Variants in B3GALT1 observed in about 807,000 individuals in gnomAD.
The protein encoded by B3GALT1 is UDP-Gal:betaGlcNAc beta 1,3-galactosyltransferase, polypeptide 1.
In B3GALT1, 10 loss-of-function variants were observed where a neutral mutation model predicts 23.2. The ratio of observed to expected loss-of-function variants is 0.43; its 90% confidence interval spans 0.27 to 0.73. The LOEUF is 0.73. Ranked by LOEUF, B3GALT1 falls within the 30% of genes least tolerant of loss-of-function variation. The pLI is 0.21. For missense variants in B3GALT1, 299 were observed against 405.4 expected, an observed-to-expected ratio of 0.74 and a Z score of 2.25; for synonymous variants, 156 against 141.5, an observed-to-expected ratio of 1.10 and a Z score of -0.73.
intron 3 of B3GALT1, among the ~76,000 whole-genome samples, chr2:167,774,852 C>T (rs1489100975): frequency 6.6e-6 from 1 of 152,120 alleles, no homozygotes; most frequent in African/African-American, 2.4e-5. Context: ...TTCTTAATTA[C>T]ATTAATAAAC....
intron 3 of B3GALT1, among the ~76,000 whole-genome samples, chr2:167,769,562 TCTAGTCAAATC>T (rs1574253183): frequency 6.6e-6 from 1 of 152,132 alleles, no homozygotes; most frequent in African/African-American, 2.4e-5. Context: ...GCAACCCCTT[TCTAGTCAAATC>T]CTTCACCCAT....
chr2:167,864,800 T>C (rs1690177841), intron 4 of B3GALT1, among the ~76,000 whole-genome samples: 1 of 152,212 alleles, frequency 6.6e-6, no homozygotes, highest in East Asian at 1.9e-4. Flanking sequence ...ACCTCTCTTA[T>C]AACACTGTCA....
At chr2:167,605,904 C>A (rs1684954784) in intron 2 of B3GALT1, among the ~76,000 whole-genome samples, 1 of 152,084 alleles carries the variant, frequency 6.6e-6, no homozygotes, top group South Asian at 2.1e-4. Flanking sequence ...TTGAGTATAA[C>A]TCTATCTCCA....
intron 2 of B3GALT1, among the ~76,000 whole-genome samples, chr2:167,616,154 A>C (rs1685157710): frequency 6.6e-6 from 1 of 152,110 alleles, no homozygotes; most frequent in Non-Finnish European, 1.5e-5. Context: ...TCAAATACTG[A>C]AAAAGAAAAG....
intron 4 of B3GALT1, among the ~76,000 whole-genome samples, chr2:167,836,217 C>T (rs540492233): frequency 3.3e-5 from 5 of 152,080 alleles, no homozygotes; most frequent in Non-Finnish European, 5.9e-5. Context: ...AGGCTTCAGA[C>T]GATCAAACTA....
intron 2 of B3GALT1, among the ~76,000 whole-genome samples, chr2:167,556,191 AT>A (rs1683846730): frequency 6.6e-6 from 1 of 152,116 alleles, no homozygotes; most frequent in Admixed American, 6.6e-5. Context: ...CAACAACATG[AT>A]TAAGAATATA....
chr2:167,843,380 C>T (rs112784315), intron 4 of B3GALT1, among the ~76,000 whole-genome samples: 2 of 152,312 alleles, frequency 1.3e-5, no homozygotes, highest in African/African-American at 4.8e-5. Context: ...CATCATGCCA[C>T]ACTTGACCAG....
intron 2 of B3GALT1, among the ~76,000 whole-genome samples, chr2:167,552,005 A>G (rs1683756243): frequency 6.6e-6 from 1 of 152,188 alleles, no homozygotes; most frequent in Non-Finnish European, 1.5e-5. Flanking sequence ...CTAGGGTTTT[A>G]ACGACTTATT....
intron 2 of B3GALT1, among the ~76,000 whole-genome samples, chr2:167,577,306 T>G (rs2105404556): frequency 6.6e-6 from 1 of 151,954 alleles, no homozygotes; most frequent in African/African-American, 2.4e-5. Flanking sequence ...GGCAATTAAA[T>G]TGAAACCAAA....
chr2:167,429,289 A>AT (rs1559093747), intron 1 of B3GALT1, among the ~76,000 whole-genome samples: 4 of 151,796 alleles, frequency 2.6e-5, no homozygotes, highest in African/African-American at 9.7e-5. Flanking sequence ...TCAAAAAAAA[A>AT]AAAAAAAAAA....
rs1242416461 is a variant in B3GALT1 at position 167,455,151 on chromosome 2, G to A, written c.-510-35026G>A. Reference sequence around the variant, plus strand: ...AATGGGACAGTCCATACTTTTCTATGTATGTCCCATGATTTTCCTAGATTG... The same window carrying A: ...AATGGGACAGTCCATACTTTTCTATATATGTCCCATGATTTTCCTAGATTG... On this transcript the variant is annotated intron_variant, in intron 1 of 4. Transcript: ENST00000392690. Among the ~76,000 whole-genome samples the A allele has an allele frequency of 3.3e-5, 5 of 152,108 alleles. No homozygotes were observed. In the East Asian group the frequency reaches 9.6e-4, roughly 29 times the overall value.
At chr2:167,465,028 A>G (rs942679793) in intron 1 of B3GALT1, among the ~76,000 whole-genome samples, 1 of 152,140 alleles carries the variant, frequency 6.6e-6, no homozygotes, top group East Asian at 1.9e-4. Flanking sequence ...GCATCCTCAC[A>G]AGTTACTTTG....
At chr2:167,410,154 T>A (rs774917201) in intron 1 of B3GALT1, among the ~76,000 whole-genome samples, 2 of 152,056 alleles carry the variant, frequency 1.3e-5, no homozygotes, top group Non-Finnish European at 2.9e-5. Context: ...GAAACCATCA[T>A]TCTCAGCAAA....
intron 3 of B3GALT1, among the ~76,000 whole-genome samples, chr2:167,807,348 T>A (rs1161149972): frequency 6.6e-6 from 1 of 152,248 alleles, no homozygotes; most frequent in Non-Finnish European, 1.5e-5. Flanking sequence ...ATTTCTTGCC[T>A]TCTGCTAGCT....
intron 3 of B3GALT1, among the ~76,000 whole-genome samples, chr2:167,752,725 CAA>C (rs1317385594): frequency 6.6e-6 from 1 of 151,862 alleles, no homozygotes; most frequent in Non-Finnish European, 1.5e-5. Context: ...AAGGAAAAAA[CAA>C]AAAGTCTCAA....
intron 1 of B3GALT1, among the ~76,000 whole-genome samples, chr2:167,343,364 T>G (rs1449981054): frequency 6.6e-6 from 1 of 152,206 alleles, no homozygotes; most frequent in Non-Finnish European, 1.5e-5. Context: ...AATTTATCAC[T>G]ATGAATATAT....
chr2:167,654,102 G>T (rs1378833352), intron 3 of B3GALT1, among the ~76,000 whole-genome samples: 2 of 152,074 alleles, frequency 1.3e-5, no homozygotes, highest in Non-Finnish European at 2.9e-5. Flanking sequence ...TTGACATCCA[G>T]GCTTCAGCGC....
chr2:167,522,724 A>G (rs779499299), intron 2 of B3GALT1, among the ~76,000 whole-genome samples: 21 of 152,230 alleles, frequency 1.4e-4, no homozygotes, highest in Non-Finnish European at 2.1e-4. Context: ...GAAAAAGAGT[A>G]GGTGAAGTCC....
chr2:167,668,583 T>C (rs1347637264), intron 3 of B3GALT1, among the ~76,000 whole-genome samples: 2 of 152,130 alleles, frequency 1.3e-5, no homozygotes, highest in Admixed American at 6.5e-5. Context: ...CTCAGACTGC[T>C]GTGCTAGCAA....
Sources: gnomAD v4.1 joint callset for allele counts (sites outside exome capture counted in the v4.1 genomes callset) on GRCh38, gnomAD v4.1.1 for gene constraint, MANE v1.5 for transcripts, NCBI Gene and HGNC (gene_info 2026-07-23, HGNC 2026-07-21) for gene names.